ROBO2: variants seen among roughly 807,000 people sequenced by gnomAD.
The protein encoded by ROBO2 is roundabout guidance receptor 2.
In ROBO2, 53 loss-of-function variants were observed where a neutral mutation model predicts 160.8. The ratio of observed to expected loss-of-function variants is 0.33; its 90% CI spans 0.26 to 0.41. The LOEUF is 0.41. Among genes scored for constraint, ROBO2 ranks in the 10% least tolerant of loss-of-function variants. The pLI, the probability that ROBO2 is intolerant of heterozygous loss-of-function variation, is 1.00. For synonymous variants in ROBO2, 664 were observed against 611.7 expected (o/e 1.09, Z -1.26); for missense variants, 1,577 against 1,722.4 (o/e 0.92, Z 1.49).
At chr3:76,723,340 T>C (rs1372460814) in intron 2 of ROBO2, among the ~76,000 whole-genome samples, 1 of 152,174 alleles carries the variant, frequency 6.6e-6, no homozygotes. Flanking sequence ...TTTATATACA[T>C]AGAAAATGTG....
intron 2 of ROBO2, among the ~76,000 whole-genome samples, chr3:76,018,711 T>A (rs2066475096): frequency 1.3e-5 from 2 of 151,978 alleles, no homozygotes; most frequent in African/African-American, 4.8e-5. Context: ...CATTATGGCC[T>A]CCCCACATGG....
chr3:77,315,859 T>G (rs948061131), intron 2 of ROBO2, among the ~76,000 whole-genome samples: 1 of 151,820 alleles, frequency 6.6e-6, no homozygotes, highest in African/African-American at 2.4e-5. Flanking sequence ...AGAGCCAGGG[T>G]TTTTTGCTTG....
chr3:77,446,398 A>C (rs538578355), intron 2 of ROBO2, among the ~76,000 whole-genome samples: 1 of 152,100 alleles, frequency 6.6e-6, no homozygotes, highest in Non-Finnish European at 1.5e-5. Context: ...TATTAAGACT[A>C]CTATACCACT....
chr3:76,131,539 G>T (rs1238352510), intron 2 of ROBO2, among the ~76,000 whole-genome samples: 2 of 152,112 alleles, frequency 1.3e-5, no homozygotes, highest in Non-Finnish European at 2.9e-5. Context: ...ACCACGGTAG[G>T]TGGTGAGGGA....
intron 2 of ROBO2, among the ~76,000 whole-genome samples, chr3:76,992,056 G>C (rs187865389): frequency 6.6e-6 from 1 of 152,124 alleles, no homozygotes; most frequent in Admixed American, 6.6e-5. Context: ...AATGTGAAAT[G>C]TATGCCACCC....
intron 2 of ROBO2, among the ~76,000 whole-genome samples, chr3:76,833,540 T>C (rs2109352166): frequency 6.6e-6 from 1 of 152,172 alleles, no homozygotes; most frequent in East Asian, 1.9e-4. Flanking sequence ...TTGATTGGAG[T>C]TGTAAGAATA....
upstream of ROBO2, among the ~76,000 whole-genome samples, chr3:77,037,537 T>A (rs1425664490): frequency 6.6e-6 from 1 of 152,174 alleles, no homozygotes; most frequent in African/African-American, 2.4e-5. Context: ...CTCTGTATGA[T>A]GTAATTTGTC....
At chr3:76,703,521 C>T (rs2093090983) in intron 2 of ROBO2, among the ~76,000 whole-genome samples, 1 of 152,010 alleles carries the variant, frequency 6.6e-6, no homozygotes, top group African/African-American at 2.4e-5. Context: ...CCCTTTCCCC[C>T]ACCCCCGACA....
chr3:76,478,134 A>G (rs921710006), intron 2 of ROBO2, among the ~76,000 whole-genome samples: 3 of 149,102 alleles, frequency 2.0e-5, no homozygotes, highest in Non-Finnish European at 3.0e-5. Flanking sequence ...CCATTAACTC[A>G]TCATTTAACA....
chr3:76,012,689 C>G (rs1386339357), intron 2 of ROBO2, among the ~76,000 whole-genome samples: 1 of 151,832 alleles, frequency 6.6e-6, no homozygotes, highest in Admixed American at 6.6e-5. Context: ...TTTAAAAATC[C>G]GTGTGGTGTT....
intron 2 of ROBO2, among the ~76,000 whole-genome samples, chr3:76,707,368 A>T (rs993216637): frequency 1.3e-5 from 2 of 152,108 alleles, no homozygotes; most frequent in African/African-American, 4.8e-5. Flanking sequence ...CTTGCCAATG[A>T]CAGGTGATGC....
chr3:76,074,863 G>A (rs948580494), intron 2 of ROBO2, among the ~76,000 whole-genome samples: 12 of 152,170 alleles, frequency 7.9e-5, no homozygotes, highest in East Asian at 7.7e-4. Flanking sequence ...GTAAAGTAAC[G>A]TGTCAGATTA....
chr3:76,147,833 G>A (rs2071977973), intron 2 of ROBO2, among the ~76,000 whole-genome samples: 1 of 152,042 alleles, frequency 6.6e-6, no homozygotes, highest in Non-Finnish European at 1.5e-5. Context: ...ATTCTTTGGT[G>A]ATTAAGCTTC....
At chr3:76,830,040 C>G (rs2066942235) in intron 2 of ROBO2, among the ~76,000 whole-genome samples, 2 of 152,182 alleles carry the variant, frequency 1.3e-5, no homozygotes, top group Non-Finnish European at 2.9e-5. Flanking sequence ...GAAACCACCT[C>G]CAATCATTCT....
chr3:76,079,452 A>T (rs1010460067), intron 2 of ROBO2, among the ~76,000 whole-genome samples: 2 of 150,224 alleles, frequency 1.3e-5, no homozygotes, highest in African/African-American at 2.4e-5. Flanking sequence ...AAACATTGAA[A>T]ATTTATTTAT....
chr3:75,972,642 A>C (rs1273194418), intron 2 of ROBO2, among the ~76,000 whole-genome samples: 1 of 151,680 alleles, frequency 6.6e-6, no homozygotes. Flanking sequence ...AATCATGTAG[A>C]TCATTGATTC....
rs1036163800 is a variant in ROBO2 at position 76,434,410 on chromosome 3, C to T, written c.109+496808C>T. The T allele has an allele frequency of 5.7e-6, 9 of 1,565,992 alleles. No individual in the cohort carries two copies. In the African/African-American group the frequency reaches 1.2e-4, roughly 21 times the overall value. The stretch of plus-strand genomic sequence containing the variant: ...ACCTGTCAGCTGTCAACGAAAGTAT[C>T]CAGGCCCTGGGCTGGGTGGCTATGG... On this transcript the variant is annotated intron_variant, in intron 2 of 26. Transcript: ENST00000487694.
intron 2 of ROBO2, among the ~76,000 whole-genome samples, chr3:76,046,671 G>C (rs1370262433): frequency 1.3e-5 from 2 of 151,898 alleles, no homozygotes; most frequent in Non-Finnish European, 2.9e-5. Flanking sequence ...AAAAAAGCCT[G>C]ACTGGACCAC....
At chr3:77,601,122 G>A (rs2094421624) in intron 19 of ROBO2, among the ~76,000 whole-genome samples, 1 of 152,038 alleles carries the variant, frequency 6.6e-6, no homozygotes, top group South Asian at 2.1e-4. Context: ...AAAAGCAAAA[G>A]TAATATTTCT....
Sources: allele counts gnomAD v4.1 joint callset (sites outside exome capture counted in the v4.1 genomes callset), GRCh38; gene constraint gnomAD v4.1.1; transcripts MANE v1.5; gene names NCBI Gene and HGNC (gene_info 2026-07-23, HGNC 2026-07-21).